Variants in KDM4C observed in about 807,000 individuals in gnomAD.
KDM4C encodes lysine demethylase 4C, also known as lysine-specific demethylase 4C.
KDM4C carries 81 observed loss-of-function variants against 129.3 expected under a neutral mutation model. The observed-to-expected ratio is 0.63, with a 90% CI of 0.52 to 0.75. The LOEUF (loss-of-function observed/expected upper bound fraction) is 0.75, where lower values mean the gene tolerates loss of function less well. Among genes scored for constraint, KDM4C ranks in the 30% least tolerant of loss-of-function variants. The pLI is 0.00. For synonymous variants in KDM4C, 573 were observed against 456.1 expected, an observed-to-expected ratio of 1.26 and a Z score of -3.26; for missense variants, 1,457 against 1,304.0, an observed-to-expected ratio of 1.12 and a Z score of -1.81.
intron 4 of KDM4C, among the ~76,000 whole-genome samples, chr9:6,832,510 C>G (rs1835033638): frequency 6.9e-6 from 1 of 144,066 alleles, no homozygotes; most frequent in Non-Finnish European, 1.5e-5. Flanking sequence ...ACTGCAAGCT[C>G]CGCCTCCTGG....
intron 4 of KDM4C, among the ~76,000 whole-genome samples, chr9:6,828,742 A>T (rs945231380): frequency 6.6e-6 from 1 of 152,068 alleles, no homozygotes; most frequent in Non-Finnish European, 1.5e-5. Context: ...GTGGTGACAC[A>T]TGCCTGTAAT....
chr9:6,808,836 T>G (rs1830625028), intron 3 of KDM4C, among the ~76,000 whole-genome samples: 1 of 152,208 alleles, frequency 6.6e-6, no homozygotes, highest in African/African-American at 2.4e-5. Context: ...GTCAATGAAT[T>G]TGTGGGCATA....
At chr9:6,984,887 C>T (rs1304832277) in intron 10 of KDM4C, among the ~76,000 whole-genome samples, 1 of 152,154 alleles carries the variant, frequency 6.6e-6, no homozygotes, top group African/African-American at 2.4e-5. Context: ...TGTACTAAAG[C>T]CATTGTCTGA....
chr9:6,926,265 G>A (rs1225898102), intron 8 of KDM4C, among the ~76,000 whole-genome samples: 1 of 146,122 alleles, frequency 6.8e-6, no homozygotes, highest in South Asian at 2.2e-4. Flanking sequence ...GAAAAATAAT[G>A]TAAGAATTAA....
chr9:6,965,901 C>T (rs987177280), intron 8 of KDM4C, among the ~76,000 whole-genome samples: 2 of 152,152 alleles, frequency 1.3e-5, no homozygotes, highest in African/African-American at 4.8e-5. Context: ...CCTCATGTTC[C>T]AGTCAAATTG....
chr9:7,015,547 C>T (rs552046357), intron 14 of KDM4C, among the ~76,000 whole-genome samples: 2 of 152,194 alleles, frequency 1.3e-5, no homozygotes, highest in South Asian at 4.2e-4. Flanking sequence ...TTATTTTTGA[C>T]ATTTCCTTAA....
At position 6,888,034 on chromosome 9, in the gene KDM4C, T is replaced by A. The variant is rs114371470; in HGVS notation, c.754T>A (p.Leu252Met). 2 of 1,596,820 alleles carry A rather than the reference T, an allele frequency of 1.3e-6. No homozygotes were observed. Among genetic ancestry groups the A allele is most frequent in the East Asian group, 4.5e-5 (2 of 44,620 alleles). The change falls in exon 7 of 22, where the codon TTG becomes ATG. Residue 252 changes from leucine (L) to methionine (M), a missense_variant. By Grantham distance (15) the Leu-to-Met change is conservative (BLOSUM62 2). Transcript: ENST00000381309. The part of the protein sequence containing the change: ...HKMTLISPSV[L>M]KKYGIPFDKI... ...GATGACATTGATTTCTCCATCAGTATTGAAGAAATATGGTATTCCCTTTGA... is the reference window on the plus strand; with the variant it reads ...GATGACATTGATTTCTCCATCAGTAATGAAGAAATATGGTATTCCCTTTGA...
intron 5 of KDM4C, among the ~76,000 whole-genome samples, chr9:6,872,499 A>G (rs1842936695): frequency 6.6e-6 from 1 of 152,182 alleles, no homozygotes. Flanking sequence ...ATTGTGTGGA[A>G]GTCTAAGTCT....
Position 6,986,473 on chromosome 9 carries a change from A to G in KDM4C, c.1484A>G (p.Glu495Gly). 6.2e-7 allele frequency: 1 copy of G among 1,614,130 alleles called. No individual in the cohort carries two copies. The highest frequency in any genetic ancestry group is 8.5e-7 in the Non-Finnish European group (1 of 1,180,004). Residue 495 changes from glutamate (E) to glycine (G), a missense_variant, in exon 11 of 22, where the codon GAG becomes GGG. Transcript: ENST00000381309. ...TCCATTCCATTGTCTAGTGGCTATG[A>G]GAAGCCCGAGAAATCAGACCCATCC... ...DDSIPLSSGY[E>G]KPEKSDPSEL...
At chr9:6,836,289 A>C (rs952968974) in intron 4 of KDM4C, among the ~76,000 whole-genome samples, 1 of 152,132 alleles carries the variant, frequency 6.6e-6, no homozygotes, top group Non-Finnish European at 1.5e-5. Flanking sequence ...TCATCTCTAC[A>C]AAAAAATGGG....
intron 17 of KDM4C, among the ~76,000 whole-genome samples, chr9:7,060,494 T>C (rs1433502222): frequency 6.8e-6 from 1 of 146,718 alleles, no homozygotes; most frequent in Non-Finnish European, 1.5e-5. Context: ...ATTATTATTA[T>C]TATTTTGAGA....
chr9:7,112,470 A>T (rs1376529115), intron 18 of KDM4C, among the ~76,000 whole-genome samples: 1 of 152,178 alleles, frequency 6.6e-6, no homozygotes, highest in Non-Finnish European at 1.5e-5. Context: ...GGTCTTGATT[A>T]TGAGGACACT....
At chr9:7,032,276 C>A (rs898944960) in intron 15 of KDM4C, among the ~76,000 whole-genome samples, 1 of 152,182 alleles carries the variant, frequency 6.6e-6, no homozygotes, top group South Asian at 2.1e-4. Flanking sequence ...TCTGTCCTGT[C>A]TACAGCAAGA....
At chr9:6,807,656 G>C (rs563749640) in intron 3 of KDM4C, among the ~76,000 whole-genome samples, 8 of 147,576 alleles carry the variant, frequency 5.4e-5, no homozygotes, top group Admixed American at 1.3e-4. Context: ...CAACCACCCC[G>C]TCTGAGAAGT....
intron 19 of KDM4C, among the ~76,000 whole-genome samples, chr9:7,136,724 C>T (rs1489742318): frequency 1.3e-5 from 2 of 152,118 alleles, no homozygotes; most frequent in Non-Finnish European, 2.9e-5. Context: ...CTGTACATAT[C>T]CTTTATCAGA....
intron 4 of KDM4C, among the ~76,000 whole-genome samples, chr9:6,828,550 C>G (rs994258057): frequency 4.7e-5 from 7 of 149,466 alleles, no homozygotes; most frequent in Non-Finnish European, 1.0e-4. Context: ...TAGAGACCGT[C>G]TGATCTTCTG....
At chr9:7,042,998 A>C (rs1249504511) in intron 15 of KDM4C, among the ~76,000 whole-genome samples, 6 of 152,084 alleles carry the variant, frequency 3.9e-5, no homozygotes, top group Admixed American at 1.3e-4. Context: ...AGTTGTGCAA[A>C]GTCTAAACTA....
intron 15 of KDM4C, among the ~76,000 whole-genome samples, chr9:7,021,295 C>G (rs1338165028): frequency 2.6e-5 from 4 of 151,934 alleles, no homozygotes; most frequent in Admixed American, 2.6e-4. Context: ...CAGGCGCATG[C>G]CACCATGCCC....
chr9:6,863,513 G>A (rs1437820307), intron 5 of KDM4C, among the ~76,000 whole-genome samples: 1 of 151,926 alleles, frequency 6.6e-6, no homozygotes, highest in Non-Finnish European at 1.5e-5. Context: ...AGAGAGAGAA[G>A]GGGCTGGGCA....
Sources: allele counts gnomAD v4.1 joint callset (sites outside exome capture counted in the v4.1 genomes callset), GRCh38; gene constraint gnomAD v4.1.1; transcripts MANE v1.5; gene names NCBI Gene and HGNC (gene_info 2026-07-23, HGNC 2026-07-21).